The following CNTNAP2 variants were observed in gnomAD, a reference collection of about 807,000 sequenced individuals.
CNTNAP2 encodes contactin-associated protein-like 2.
Under a neutral mutation model 155.2 loss-of-function variants are expected in CNTNAP2, and 98 were observed. The ratio of observed to expected loss-of-function variants is 0.63; its 90% confidence interval spans 0.54 to 0.75. The LOEUF (loss-of-function observed/expected upper bound fraction) is 0.75, where lower values mean the gene tolerates loss of function less well. Ranked by LOEUF, CNTNAP2 falls within the 30% of genes least tolerant of loss-of-function variation. The probability of loss-of-function intolerance (pLI) is 0.00; values close to 1 mark genes in which losing one functional copy is unlikely to be tolerated. For missense variants in CNTNAP2, 1,727 were observed against 1,688.1 expected (o/e 1.02, Z -0.40); for synonymous variants, 651 against 631.2 (o/e 1.03, Z -0.47).
intron 8 of CNTNAP2, among the ~76,000 whole-genome samples, chr7:147,145,080 G>A (rs1801674479): frequency 6.6e-6 from 1 of 152,150 alleles, no homozygotes. Context: ...TCTAAAACTT[G>A]TATTAAGTGT....
At chr7:146,500,134 G>A (rs1277362146) in intron 1 of CNTNAP2, among the ~76,000 whole-genome samples, 1 of 151,982 alleles carries the variant, frequency 6.6e-6, no homozygotes, top group Non-Finnish European at 1.5e-5. Context: ...ATCAGATTAT[G>A]TCATCTGAGA....
In CNTNAP2 at chr7:148,217,376, A is replaced by G. The variant is rs1341444655; in HGVS notation, c.3099A>G (p.Val1033=). Residue 1033 remains valine (V), a synonymous_variant, in exon 19 of 24, where the codon GTA becomes GTG. Transcript: ENST00000361727. ...ATGCCAGAGACTCCAGCAGCAGAGT[A>G]GACAACGCTCCCGACCAGCAGAACT... ...ATNARDSSSR[V]DNAPDQQNSH... The G allele has an allele frequency of 1.2e-6, 2 of 1,614,168 alleles. No homozygotes were observed. Among genetic ancestry groups the G allele is most frequent in the African/African-American group, 2.7e-5 (2 of 75,044 alleles).
At chr7:147,067,547 A>G (rs1277023148) in intron 4 of CNTNAP2, among the ~76,000 whole-genome samples, 1 of 152,156 alleles carries the variant, frequency 6.6e-6, no homozygotes, top group East Asian at 1.9e-4. Context: ...AATATTTACA[A>G]TGTAGCAGTG....
intron 11 of CNTNAP2, among the ~76,000 whole-genome samples, chr7:147,521,300 G>A (rs906546469): frequency 6.6e-6 from 1 of 151,972 alleles, no homozygotes; most frequent in Non-Finnish European, 1.5e-5. Context: ...TGTAATTATC[G>A]GGAACCAAAG....
At chr7:146,326,897 AT>A (rs1162334736) in intron 1 of CNTNAP2, among the ~76,000 whole-genome samples, 1 of 152,196 alleles carries the variant, frequency 6.6e-6, no homozygotes, top group Non-Finnish European at 1.5e-5. Context: ...CATTTATTAT[AT>A]TTTTATGTCA....
chr7:148,330,160 A>G (rs1327846225), intron 21 of CNTNAP2, among the ~76,000 whole-genome samples: 7 of 150,062 alleles, frequency 4.7e-5, no homozygotes, highest in Non-Finnish European at 8.9e-5. Context: ...GAGTGGATGG[A>G]TGGAGTGGAC....
At chr7:148,016,489 A>T (rs187881739) in intron 15 of CNTNAP2, among the ~76,000 whole-genome samples, 5 of 152,334 alleles carry the variant, frequency 3.3e-5, no homozygotes, top group Admixed American at 3.3e-4. Context: ...CAAACTGTGC[A>T]TGTCTAGCTT....
intron 10 of CNTNAP2, 24 bp from the exon 11 acceptor site, chr7:147,485,911 T>C: frequency 6.2e-7 from 1 of 1,611,260 alleles, no homozygotes; most frequent in Non-Finnish European, 8.5e-7. Context: ...TTGGTTTATT[T>C]CTGTTTGTCT....
At chr7:146,623,189 G>A (rs1253820380) in intron 1 of CNTNAP2, among the ~76,000 whole-genome samples, 3 of 152,014 alleles carry the variant, frequency 2.0e-5, no homozygotes, top group African/African-American at 7.2e-5. Flanking sequence ...CCTCTCCCCT[G>A]CCACCACATA....
Position 146,982,338 on chromosome 7 carries a change from C to T in CNTNAP2, c.403-61569C>T, listed in dbSNP as rs181477549. Reference sequence around the variant, plus strand: ...ATATATAAGATCATGTTATGTACTACAAAATTTTAACACAAACATTAACAC... The same window carrying T: ...ATATATAAGATCATGTTATGTACTATAAAATTTTAACACAAACATTAACAC... On this transcript the variant is annotated intron_variant, in intron 3 of 23. Coordinates refer to ENST00000361727, the MANE Select transcript of CNTNAP2 (RefSeq NM_014141.6). Among the ~76,000 whole-genome samples the T allele has an allele frequency of 1.6e-3, 241 of 152,086 alleles. 1 individual carries two copies. Among genetic ancestry groups the T allele is most frequent in the African/African-American group, 5.7e-3 (237 of 41,494 alleles).
intron 2 of CNTNAP2, among the ~76,000 whole-genome samples, chr7:146,788,334 G>A (rs929244479): frequency 3.9e-5 from 6 of 152,390 alleles, no homozygotes; most frequent in East Asian, 1.9e-4. Flanking sequence ...CAAGAGCCAG[G>A]AAGGGCTGCT....
intron 20 of CNTNAP2, among the ~76,000 whole-genome samples, chr7:148,237,828 A>G (rs1487003644): frequency 6.6e-6 from 1 of 152,196 alleles, no homozygotes; most frequent in Non-Finnish European, 1.5e-5. Context: ...GCCCTAGTTC[A>G]CCACTTTCTA....
chr7:147,747,889 CT>C (rs1275903004), intron 13 of CNTNAP2, among the ~76,000 whole-genome samples: 2 of 152,204 alleles, frequency 1.3e-5, no homozygotes, highest in Non-Finnish European at 2.9e-5. Flanking sequence ...CAATTAATTA[CT>C]GTGTTGAGCC....
intron 21 of CNTNAP2, among the ~76,000 whole-genome samples, chr7:148,332,437 G>T (rs1798045066): frequency 6.6e-6 from 1 of 152,156 alleles, no homozygotes; most frequent in South Asian, 2.1e-4. Context: ...AAAGGATCTT[G>T]GGCTTGGCAA....
At chr7:148,068,448 C>T (rs1803311145) in intron 15 of CNTNAP2, among the ~76,000 whole-genome samples, 1 of 152,206 alleles carries the variant, frequency 6.6e-6, no homozygotes, top group African/African-American at 2.4e-5. Flanking sequence ...TCTGAATTTA[C>T]ATGTTCCCCA....
At chr7:147,916,004 T>C (rs1220975416) in intron 14 of CNTNAP2, among the ~76,000 whole-genome samples, 1 of 152,206 alleles carries the variant, frequency 6.6e-6, no homozygotes, top group Non-Finnish European at 1.5e-5. Flanking sequence ...AACTACTTTT[T>C]AATATGTGGG....
At chr7:146,314,517 C>T (rs540067673) in intron 1 of CNTNAP2, among the ~76,000 whole-genome samples, 2 of 152,208 alleles carry the variant, frequency 1.3e-5, no homozygotes, top group South Asian at 4.1e-4. Flanking sequence ...GATGCCTGTA[C>T]CCTTGATCAT....
intron 1 of CNTNAP2, among the ~76,000 whole-genome samples, chr7:146,571,760 C>T (rs1175457892): frequency 6.7e-6 from 1 of 149,414 alleles, no homozygotes; most frequent in African/African-American, 2.5e-5. Flanking sequence ...GAGACGCAGT[C>T]TCAATCTGTG....
Position 147,431,033 on chromosome 7 carries a change from AGAGT to A in CNTNAP2, c.1670+35257_1670+35260del, listed in dbSNP as rs574307199. Among the ~76,000 whole-genome samples the A allele has an allele frequency of 6.4e-3, 961 of 149,426 alleles. 11 individuals are homozygous for A. Among genetic ancestry groups the A allele is most frequent in the African/African-American group, 0.022 (902 of 40,776 alleles). On this transcript the variant is annotated intron_variant, in intron 10 of 23. Coordinates refer to ENST00000361727, the MANE Select transcript of CNTNAP2 (RefSeq NM_014141.6). ...CCTCCTGCACTCCAGGCTGGGCGAC[AGAGT>A]GAGACTCCATCTCAAAAAAAAAAAA...
Sources: allele counts gnomAD v4.1 joint callset (sites outside exome capture counted in the v4.1 genomes callset), GRCh38; gene constraint gnomAD v4.1.1; transcripts MANE v1.5; gene names NCBI Gene and HGNC (gene_info 2026-07-23, HGNC 2026-07-21).